The following GPATCH2 variants were observed in gnomAD, a reference collection of about 807,000 sequenced individuals.
The protein encoded by GPATCH2 is G-patch domain containing 2.
GPATCH2 carries 51 observed loss-of-function variants against 58.0 expected under a neutral mutation model. The ratio of observed to expected loss-of-function variants is 0.88; its 90% CI spans 0.70 to 1.11. GPATCH2 has a LOEUF of 1.11. Ranked by LOEUF, GPATCH2 falls within the 50% of genes most tolerant of loss-of-function variation. GPATCH2 has a pLI of 0.00. For synonymous variants in GPATCH2, 222 were observed against 218.5 expected (o/e 1.02, Z -0.14); for missense variants, 625 against 652.2 (o/e 0.96, Z 0.45).
intron 5 of GPATCH2, among the ~76,000 whole-genome samples, chr1:217,557,037 T>G (rs1216802649): frequency 1.3e-5 from 2 of 152,200 alleles, no homozygotes; most frequent in Non-Finnish European, 2.9e-5. Flanking sequence ...TAAGTGTTTA[T>G]TTTTCATTTG....
At chr1:217,496,054 G>A (rs1661991474) in intron 7 of GPATCH2, among the ~76,000 whole-genome samples, 1 of 152,282 alleles carries the variant, frequency 6.6e-6, no homozygotes, top group East Asian at 1.9e-4. Context: ...TAAACTAAAA[G>A]ATTTTATACT....
intron 5 of GPATCH2, among the ~76,000 whole-genome samples, chr1:217,599,276 C>T (rs1345649465): frequency 6.6e-6 from 1 of 152,120 alleles, no homozygotes; most frequent in Admixed American, 6.6e-5. Flanking sequence ...TGAGCATAAC[C>T]ACACTTTAGA....
intron 5 of GPATCH2, among the ~76,000 whole-genome samples, chr1:217,556,801 G>A (rs1393473966): frequency 1.3e-5 from 2 of 152,108 alleles, no homozygotes; most frequent in African/African-American, 2.4e-5. Flanking sequence ...ATAAATCAGT[G>A]TGTATTCCCA....
chr1:217,453,725 C>A (rs920914056), intron 8 of GPATCH2, among the ~76,000 whole-genome samples: 2 of 152,122 alleles, frequency 1.3e-5, no homozygotes, highest in Non-Finnish European at 2.9e-5. Context: ...AACCACCTTG[C>A]CTGAAAACCT....
At chr1:217,437,473 G>T (rs1342897135) in intron 9 of GPATCH2, among the ~76,000 whole-genome samples, 4 of 152,212 alleles carry the variant, frequency 2.6e-5, no homozygotes, top group Non-Finnish European at 4.4e-5. Flanking sequence ...AACAAGCTAA[G>T]ATCCACAGGC....
chr1:217,438,532 T>C (rs777233762), intron 9 of GPATCH2, among the ~76,000 whole-genome samples: 3 of 152,002 alleles, frequency 2.0e-5, no homozygotes, highest in African/African-American at 4.8e-5. Context: ...AATAACCTGA[T>C]GAAACTGAAA....
At chr1:217,544,837 T>C (rs1446763212) in intron 5 of GPATCH2, among the ~76,000 whole-genome samples, 2 of 152,258 alleles carry the variant, frequency 1.3e-5, no homozygotes, top group Non-Finnish European at 2.9e-5. Context: ...TTTCCTGCCC[T>C]GAAACTGTAA....
chr1:217,569,565 T>TGC, intron 5 of GPATCH2, among the ~76,000 whole-genome samples: 1 of 151,890 alleles, frequency 6.6e-6, no homozygotes, highest in East Asian at 1.9e-4. Flanking sequence ...TGTGGTGGCA[T>TGC]GCACCTGTAA....
At chr1:217,565,650 T>G (rs1206130116) in intron 5 of GPATCH2, among the ~76,000 whole-genome samples, 2 of 152,224 alleles carry the variant, frequency 1.3e-5, no homozygotes, top group African/African-American at 4.8e-5. Flanking sequence ...TTTTTCTTTT[T>G]TGTAACTATT....
intron 5 of GPATCH2, chr1:217,608,762 T>C (rs556795408): frequency 3.0e-5 from 29 of 982,316 alleles, no homozygotes; most frequent in Non-Finnish European, 3.5e-5. Flanking sequence ...AAAAAAAACA[T>C]GAATTTTCAC....
chr1:217,520,760 C>G (rs139544354), intron 5 of GPATCH2, among the ~76,000 whole-genome samples: 118 of 152,186 alleles, frequency 7.8e-4, no homozygotes, highest in African/African-American at 2.7e-3. Context: ...AAAGATATAT[C>G]AAAAATTAAT....
intron 5 of GPATCH2, among the ~76,000 whole-genome samples, chr1:217,589,095 TAAGA>T (rs928081656): frequency 2.0e-5 from 3 of 152,130 alleles, no homozygotes; most frequent in Non-Finnish European, 4.4e-5. Flanking sequence ...TTTCAACATC[TAAGA>T]AACAATTCAC....
intron 9 of GPATCH2, among the ~76,000 whole-genome samples, chr1:217,434,593 C>T (rs1171358968): frequency 6.6e-6 from 1 of 152,148 alleles, no homozygotes; most frequent in Non-Finnish European, 1.5e-5. Flanking sequence ...CTGGGCTATA[C>T]ATCTGTTTAC....
At position 217,620,417 on chromosome 1, in the gene GPATCH2, A is replaced by C. The variant is rs1331040708; in HGVS notation, c.139T>G (p.Phe47Val). The C allele has an allele frequency of 6.2e-7, 1 of 1,614,002 alleles. No homozygotes were observed. Among genetic ancestry groups the C allele is most frequent in the Admixed American group, 1.7e-5 (1 of 60,008 alleles). The change falls in exon 2 of 10, where the codon TTT becomes GTT. Residue 47 changes from phenylalanine (F) to valine (V), a missense_variant. Coordinates refer to ENST00000366935, the MANE Select transcript of GPATCH2 (RefSeq NM_018040.5). The part of the protein sequence containing the change: ...EESSEQARGG[F>V]AETGDHSRSI... The stretch of plus-strand genomic sequence containing the variant: ...CGAGAATGGTCTCCTGTTTCAGCAA[A>C]TCCACCTCGAGCTTGCTCTGAGCTC...
chr1:217,460,793 G>C (rs577151762), intron 8 of GPATCH2, among the ~76,000 whole-genome samples: 2 of 152,144 alleles, frequency 1.3e-5, no homozygotes. Flanking sequence ...GAAAAAGTCC[G>C]CTCCATAATT....
At chr1:217,506,823 A>G (rs527737395) in intron 6 of GPATCH2, among the ~76,000 whole-genome samples, 8 of 152,114 alleles carry the variant, frequency 5.3e-5, no homozygotes, top group Non-Finnish European at 1.2e-4. Context: ...CACAATACGT[A>G]TTACTTTCTC....
intron 9 of GPATCH2, among the ~76,000 whole-genome samples, chr1:217,448,163 A>G (rs1246081735): frequency 6.6e-6 from 1 of 151,306 alleles, no homozygotes; most frequent in Non-Finnish European, 1.5e-5. Context: ...TAAACTCACC[A>G]TGCTACCCCA....
intron 6 of GPATCH2, among the ~76,000 whole-genome samples, chr1:217,503,427 C>T (rs1325464339): frequency 6.6e-6 from 1 of 151,454 alleles, no homozygotes; most frequent in East Asian, 1.9e-4. Flanking sequence ...GGGGAGGTTA[C>T]AAAATGTAGT....
intron 5 of GPATCH2, chr1:217,609,857 G>T: frequency 9.8e-7 from 1 of 1,018,814 alleles, no homozygotes; most frequent in Non-Finnish European, 1.2e-6. Context: ...TTTTGGCAAA[G>T]CAAGTATACA....
Sources: allele counts gnomAD v4.1 joint callset (sites outside exome capture counted in the v4.1 genomes callset), GRCh38; gene constraint gnomAD v4.1.1; transcripts MANE v1.5; gene names NCBI Gene and HGNC (gene_info 2026-07-23, HGNC 2026-07-21).